RFC1: variants seen among roughly 807,000 people sequenced by gnomAD.
RFC1 encodes the protein A1 140 kDa subunit.
In RFC1, 37 loss-of-function variants were observed where a neutral mutation model predicts 137.4. The ratio of observed to expected loss-of-function variants is 0.27; its 90% CI spans 0.21 to 0.35. The LOEUF (loss-of-function observed/expected upper bound fraction) is 0.35. RFC1 is among the 10% of genes least tolerant of loss of function. The probability of loss-of-function intolerance (pLI) is 1.00; values close to 1 mark genes in which losing one functional copy is unlikely to be tolerated. For synonymous variants in RFC1, 429 were observed against 455.7 expected (o/e 0.94, Z 0.75); for missense variants, 1,205 against 1,358.5 (o/e 0.89, Z 1.78).
At chr4:39,305,534 G>A (rs1353733438) in intron 14 of RFC1, among the ~76,000 whole-genome samples, 1 of 152,080 alleles carries the variant, frequency 6.6e-6, no homozygotes, top group African/African-American at 2.4e-5. Flanking sequence ...CTTGAACCTG[G>A]GAGGCAGAAG....
At chr4:39,353,814 T>C (rs13124271) in intron 1 of RFC1, among the ~76,000 whole-genome samples, 87,773 of 151,600 alleles carry the variant, frequency 0.58, 26,343 homozygotes, top group African/African-American at 0.73. Flanking sequence ...AAAGACAGAG[T>C]GATAGTGCAT....
intron 2 of RFC1, 43 bp from the exon 3 acceptor site, chr4:39,345,519 T>A (rs1288018651): frequency 1.3e-6 from 2 of 1,485,644 alleles, no homozygotes; most frequent in Non-Finnish European, 1.8e-6. Flanking sequence ...GAAGCCTATA[T>A]AACTATCTTT....
intron 2 of RFC1, among the ~76,000 whole-genome samples, chr4:39,348,437 A>AGAGAAGAGAAGAGAAGAGAAGAGAAG (rs1740991321): frequency 3.7e-5 from 4 of 107,056 alleles, no homozygotes; most frequent in African/African-American, 1.1e-4. Context: ...AAGAAAAGAA[A>AGAGAAGAGAAGAGAAGAGAAGAGAAG]AGAAAAGAAA....
At chr4:39,328,256 C>T (rs1046544683) in intron 4 of RFC1, among the ~76,000 whole-genome samples, 6 of 152,140 alleles carry the variant, frequency 3.9e-5, no homozygotes, top group Non-Finnish European at 2.9e-5. Context: ...CCAGTTACTA[C>T]CAAGAGTACA....
At chr4:39,351,570 G>T in intron 1 of RFC1, 94 bp from the exon 2 acceptor site, 1 of 1,094,602 alleles carries the variant, frequency 9.1e-7, no homozygotes, top group Non-Finnish European at 1.2e-6. Flanking sequence ...GTACACACTG[G>T]GTTACCCTGA....
chr4:39,299,324 C>A (rs1738211634), intron 21 of RFC1, among the ~76,000 whole-genome samples: 1 of 152,068 alleles, frequency 6.6e-6, no homozygotes, highest in Admixed American at 6.6e-5. Context: ...GGCTGTGAGA[C>A]CCCTGATTTC....
At chr4:39,290,812 C>CAAA (rs36119185) in intron 23 of RFC1, among the ~76,000 whole-genome samples, 5 of 130,176 alleles carry the variant, frequency 3.8e-5, no homozygotes, top group African/African-American at 1.1e-4. Flanking sequence ...TAGACTGTCT[C>CAAA]AAAAAAAAAA....
chr4:39,292,102 G>A (rs1029306559), intron 22 of RFC1: 12 of 457,258 alleles, frequency 2.6e-5, no homozygotes, highest in Admixed American at 7.3e-5. Context: ...AAAAACATAC[G>A]TGGATTCTAC....
At chr4:39,318,586 TTTCTA>T (rs1385802333) in intron 9 of RFC1, among the ~76,000 whole-genome samples, 1 of 152,232 alleles carries the variant, frequency 6.6e-6, no homozygotes. Flanking sequence ...TTTTGAGTTA[TTTCTA>T]TTCTAACTTT....
chr4:39,358,603 G>A (rs544714993), intron 1 of RFC1, among the ~76,000 whole-genome samples: 41 of 152,268 alleles, frequency 2.7e-4, no homozygotes, highest in African/African-American at 9.9e-4. Context: ...GTCAACACCT[G>A]CAACAAGTTG....
At chr4:39,305,803 A>G (rs1457375433) in intron 14 of RFC1, among the ~76,000 whole-genome samples, 1 of 152,192 alleles carries the variant, frequency 6.6e-6, no homozygotes, top group Non-Finnish European at 1.5e-5. Context: ...TGATAATAAT[A>G]AAGAGAGAAA....
chr4:39,333,295 T>C (rs1372318229), intron 4 of RFC1, among the ~76,000 whole-genome samples: 2 of 152,086 alleles, frequency 1.3e-5, no homozygotes, highest in African/African-American at 4.8e-5. Context: ...ATTATAAAAG[T>C]GTAAATTAGT....
At chr4:39,308,128 C>T (rs1212341667) in intron 13 of RFC1, among the ~76,000 whole-genome samples, 3 of 152,310 alleles carry the variant, frequency 2.0e-5, no homozygotes, top group South Asian at 2.1e-4. Flanking sequence ...CTGCCCTGCA[C>T]GCATGCCTCT....
chr4:39,313,072 A>G (rs746567062), intron 10 of RFC1, 141 bp from the exon 11 acceptor site: 20 of 671,040 alleles, frequency 3.0e-5, no homozygotes, highest in Non-Finnish European at 4.7e-5. Context: ...CTGGAAATTT[A>G]CAGCAAATAA....
intron 22 of RFC1, among the ~76,000 whole-genome samples, chr4:39,293,265 ATTTCCAAAACTGT>A (rs780620014): frequency 8.5e-5 from 13 of 152,200 alleles, no homozygotes; most frequent in Non-Finnish European, 1.2e-4. Context: ...TCATGAAACC[ATTTCCAAAACTGT>A]TCTACAATGT....
intron 1 of RFC1, among the ~76,000 whole-genome samples, chr4:39,355,097 ATACAC>A (rs1420395941): frequency 6.6e-3 from 230 of 34,990 alleles, no homozygotes; most frequent in African/African-American, 0.018. Context: ...AAAAAAAAAA[ATACAC>A]ACACACACAC....
intron 7 of RFC1, chr4:39,321,799 T>G (rs1739532852): frequency 6.4e-6 from 1 of 155,294 alleles, no homozygotes; most frequent in Non-Finnish European, 1.4e-5. Flanking sequence ...ATCCATTCTT[T>G]CCACTGCTCC....
intron 4 of RFC1, among the ~76,000 whole-genome samples, chr4:39,338,006 C>CT (rs565228528): frequency 1.3e-5 from 2 of 152,090 alleles, no homozygotes; most frequent in South Asian, 4.1e-4. Context: ...CTGATGAAAC[C>CT]GTAATAAAAG....
chr4:39,293,478 A>G (rs1737801017), intron 22 of RFC1, among the ~76,000 whole-genome samples: 1 of 152,232 alleles, frequency 6.6e-6, no homozygotes, highest in Non-Finnish European at 1.5e-5. Flanking sequence ...TGACTCCCAA[A>G]AAGGTTACAA....
Sources: allele counts gnomAD v4.1 joint callset (sites outside exome capture counted in the v4.1 genomes callset), GRCh38; gene constraint gnomAD v4.1.1; transcripts MANE v1.5; gene names NCBI Gene and HGNC (gene_info 2026-07-23, HGNC 2026-07-21).